Variants in APOBEC1 observed in about 807,000 individuals in gnomAD.
APOBEC1 encodes C->U-editing enzyme APOBEC-1.
APOBEC1 carries 22 observed loss-of-function variants against 26.3 expected under a neutral mutation model. The ratio of observed to expected loss-of-function variants is 0.84; its 90% CI spans 0.60 to 1.19. The LOEUF (loss-of-function observed/expected upper bound fraction) is 1.19, where lower values mean the gene tolerates loss of function less well. Ranked by LOEUF, APOBEC1 falls within the 50% of genes most tolerant of loss-of-function variation. The probability of loss-of-function intolerance (pLI) is 0.00; values close to 1 mark genes in which losing one functional copy is unlikely to be tolerated. For synonymous variants in APOBEC1, 77 were observed against 95.3 expected (o/e 0.81, Z 1.12); for missense variants, 253 against 289.0 (o/e 0.88, Z 0.90).
chr12:7,660,410 A>G (rs61677393), intron 1 of APOBEC1, among the ~76,000 whole-genome samples: 3 of 84,300 alleles, frequency 3.6e-5, no homozygotes, highest in African/African-American at 1.4e-4. Flanking sequence ...GAAAGAAAGA[A>G]AGAGAGGGTA....
At chr12:7,664,271 C>T (rs7316755) in intron 1 of APOBEC1, among the ~76,000 whole-genome samples, 21,621 of 152,158 alleles carry the variant, frequency 0.14, 1,659 homozygotes, top group South Asian at 0.22. Flanking sequence ...TTGCAATAGT[C>T]TTCTAACTGG....
intron 1 of APOBEC1, among the ~76,000 whole-genome samples, chr12:7,659,750 A>T (rs1046769569): frequency 2.0e-5 from 3 of 152,012 alleles, no homozygotes; most frequent in African/African-American, 7.2e-5. Context: ...TGGGCGGATC[A>T]TGAGGTCAGG....
At chr12:7,655,285 C>T (rs1394539379) in intron 1 of APOBEC1, among the ~76,000 whole-genome samples, 1 of 151,666 alleles carries the variant, frequency 6.6e-6, no homozygotes, top group Non-Finnish European at 1.5e-5. Flanking sequence ...CTGAGGCGGG[C>T]AGATCATCTG....
At chr12:7,665,404 C>A (rs1476503696) in intron 1 of APOBEC1, among the ~76,000 whole-genome samples, 2 of 152,002 alleles carry the variant, frequency 1.3e-5, no homozygotes, top group African/African-American at 4.8e-5. Flanking sequence ...TTCAAGTGAT[C>A]CTCCTGCCTC....
upstream of APOBEC1, among the ~76,000 whole-genome samples, chr12:7,668,874 G>C (rs1238165596): frequency 6.6e-6 from 1 of 152,096 alleles, no homozygotes; most frequent in Non-Finnish European, 1.5e-5. Flanking sequence ...TGGGATTACA[G>C]AGATGCACTA....
chr12:7,670,081 T>C (rs1311681846), upstream of APOBEC1, among the ~76,000 whole-genome samples: 2 of 142,620 alleles, frequency 1.4e-5, no homozygotes, highest in Non-Finnish European at 3.1e-5. Flanking sequence ...CCTCCCGGGT[T>C]CAGGTGATTC....
chr12:7,669,046 CTG>C, upstream of APOBEC1, among the ~76,000 whole-genome samples: 1 of 152,090 alleles, frequency 6.6e-6, no homozygotes, highest in African/African-American at 2.4e-5. Flanking sequence ...CCCCCCAATT[CTG>C]TGTGTTAGCA....
intron 1 of APOBEC1, among the ~76,000 whole-genome samples, chr12:7,657,137 C>G (rs1863727049): frequency 6.6e-6 from 1 of 151,840 alleles, no homozygotes. Context: ...ACATAAACAT[C>G]TCAATTACAT....
intron 1 of APOBEC1, among the ~76,000 whole-genome samples, chr12:7,661,577 A>C (rs1311547576): frequency 1.3e-5 from 2 of 152,180 alleles, no homozygotes; most frequent in East Asian, 1.9e-4. Context: ...CTCGAGAGGA[A>C]GGAGAAAAGA....
upstream of APOBEC1, among the ~76,000 whole-genome samples, chr12:7,667,404 T>C (rs751201932): frequency 9.2e-5 from 14 of 152,062 alleles, no homozygotes; most frequent in Non-Finnish European, 1.9e-4. Flanking sequence ...CTCCTGAACT[T>C]TGAATCTCAA....
At chr12:7,651,243 T>C (rs1863633831) in intron 3 of APOBEC1, 102 bp from the exon 4 acceptor site, 2 of 796,302 alleles carry the variant, frequency 2.5e-6, no homozygotes, top group South Asian at 3.1e-5. Flanking sequence ...TAGTCTCTAG[T>C]CTAGTTGCTG....
intron 1 of APOBEC1, among the ~76,000 whole-genome samples, chr12:7,660,274 G>A (rs1422546660): frequency 6.8e-6 from 1 of 147,842 alleles, no homozygotes; most frequent in East Asian, 2.0e-4. Context: ...CTGCCCTCCA[G>A]CTTGGGTGAC....
chr12:7,652,395 A>G (rs1032119292), intron 3 of APOBEC1, 43 bp downstream of exon 3: 2 of 1,544,542 alleles, frequency 1.3e-6, no homozygotes, highest in African/African-American at 2.7e-5. Context: ...CTATCACCAC[A>G]GTCTGTTGTA....
upstream of APOBEC1, among the ~76,000 whole-genome samples, chr12:7,668,493 C>T (rs993724066): frequency 4.4e-4 from 67 of 152,096 alleles, no homozygotes; most frequent in African/African-American, 1.4e-3. Flanking sequence ...GCCTATTGAG[C>T]GCTTCGTCCA....
chr12:7,650,617 A>G (rs756751142), intron 4 of APOBEC1, among the ~76,000 whole-genome samples: 3 of 152,074 alleles, frequency 2.0e-5, no homozygotes, highest in Non-Finnish European at 4.4e-5. Flanking sequence ...TCTTTTTTAT[A>G]GAGAGGGGGT....
intron 1 of APOBEC1, among the ~76,000 whole-genome samples, chr12:7,658,140 T>C (rs1233531420): frequency 6.6e-6 from 1 of 152,184 alleles, no homozygotes. Context: ...CTTGGCTCAC[T>C]GTAAACTTTG....
At chr12:7,660,376 G>GAAGGAAAGAAAGAA (rs1290120140) in intron 1 of APOBEC1, among the ~76,000 whole-genome samples, 2,101 of 60,396 alleles carry the variant, frequency 0.035, 83 homozygotes, top group Middle Eastern at 0.097. Context: ...AGGAAGGAAG[G>GAAGGAAAGAAAGAA]AAAGAAAGAA....
intron 1 of APOBEC1, among the ~76,000 whole-genome samples, chr12:7,663,563 T>A (rs1863849451): frequency 6.6e-6 from 1 of 151,976 alleles, no homozygotes. Flanking sequence ...CGAGGGAGCC[T>A]TACATAAACA....
At chr12:7,656,203 T>A (rs1222163204) in intron 1 of APOBEC1, among the ~76,000 whole-genome samples, 2 of 152,008 alleles carry the variant, frequency 1.3e-5, no homozygotes, top group African/African-American at 4.8e-5. Flanking sequence ...AGAATTTATA[T>A]ACCGCAGGCC....
Sources: gnomAD v4.1 joint callset for allele counts (sites outside exome capture counted in the v4.1 genomes callset) on GRCh38, gnomAD v4.1.1 for gene constraint, MANE v1.5 for transcripts, NCBI Gene and HGNC (gene_info 2026-07-23, HGNC 2026-07-21) for gene names.